DOCK3: variants seen among roughly 807,000 people sequenced by gnomAD.
The protein encoded by DOCK3 is dedicator of cytokinesis 3, also known as dedicator of cytokinesis protein 3.
Under a neutral mutation model 265.6 loss-of-function variants are expected in DOCK3, and 60 were observed. That is an observed-to-expected ratio of 0.23 (90% confidence interval 0.18 to 0.28). The LOEUF is 0.28. Among genes scored for constraint, DOCK3 ranks in the 10% least tolerant of loss-of-function variants. The pLI is 1.00. For missense variants in DOCK3, 1,981 were observed against 2,594.3 expected, an observed-to-expected ratio of 0.76 and a Z score of 5.14; for synonymous variants, 881 against 938.0, an observed-to-expected ratio of 0.94 and a Z score of 1.11.
At chr3:50,906,664 A>G (rs1024929932) in intron 4 of DOCK3, among the ~76,000 whole-genome samples, 1 of 151,628 alleles carries the variant, frequency 6.6e-6, no homozygotes, top group Non-Finnish European at 1.5e-5. Context: ...TTTCTTTGTT[A>G]TTCTTGCTAG....
At chr3:51,193,359 A>T (rs1017524799) in intron 12 of DOCK3, among the ~76,000 whole-genome samples, 50 of 152,076 alleles carry the variant, frequency 3.3e-4, no homozygotes, top group Non-Finnish European at 1.3e-4. Context: ...TTTACCAGGG[A>T]TATTGACATA....
intron 3 of DOCK3, among the ~76,000 whole-genome samples, chr3:50,846,297 C>T (rs1423202996): frequency 6.6e-6 from 1 of 151,986 alleles, no homozygotes; most frequent in African/African-American, 2.4e-5. Flanking sequence ...GTTGTACTCA[C>T]AGTTATGAAT....
Position 51,336,574 on chromosome 3 carries a change from C to T in DOCK3, c.3612-1785C>T, listed in dbSNP as rs555819545. ...TCTTTCTGGAGTCTTCCCTGCTCAC[C>T]CTTCAGAGAAAGAGCAAGAGGAAAG... is the stretch of plus-strand genomic sequence containing the variant. On this transcript the variant is annotated intron_variant, in intron 35 of 52. Transcript: ENST00000266037. Among the ~76,000 whole-genome samples, 5 of 152,288 alleles carry T rather than the reference C, an allele frequency of 3.3e-5. No individual in the cohort carries two copies. In the South Asian group the frequency reaches 8.3e-4, roughly 25 times the overall value.
chr3:50,781,275 T>TA (rs1432419507), intron 2 of DOCK3, among the ~76,000 whole-genome samples: 1 of 148,250 alleles, frequency 6.7e-6, no homozygotes, highest in Non-Finnish European at 1.5e-5. Flanking sequence ...TTCTTTTTTT[T>TA]TTTTTTTTTT....
chr3:50,771,447 C>CAT (rs1255669247), intron 1 of DOCK3, among the ~76,000 whole-genome samples: 1 of 152,172 alleles, frequency 6.6e-6, no homozygotes, highest in Non-Finnish European at 1.5e-5. Context: ...CAGACAATAA[C>CAT]AAGTGCTGGT....
intron 3 of DOCK3, among the ~76,000 whole-genome samples, chr3:50,858,212 G>A (rs188346151): frequency 5.9e-5 from 9 of 152,124 alleles, no homozygotes; most frequent in Admixed American, 2.0e-4. Context: ...CTCACTCATA[G>A]GTGGGAACTG....
intron 1 of DOCK3, among the ~76,000 whole-genome samples, chr3:50,712,275 A>G (rs1344289614): frequency 6.6e-6 from 1 of 151,954 alleles, no homozygotes; most frequent in Non-Finnish European, 1.5e-5. Flanking sequence ...CATCTTTTTT[A>G]TTAGAGATAT....
In DOCK3 at chr3:51,375,815, A is replaced by G. The variant is rs2088073155; in HGVS notation, c.5480A>G (p.Asn1827Ser). The change falls in exon 51 of 53, where the codon AAT becomes AGT. Residue 1827 changes from asparagine (N) to serine (S), a missense_variant. By Grantham distance (46) the Asn-to-Ser change is conservative. This residue lies in a region of DOCK3 where 1,357 missense variants were observed against 1,866.8 expected (regional missense o/e 0.73). Coordinates refer to ENST00000266037, the MANE Select transcript of DOCK3 (RefSeq NM_004947.5). ...GCCTGCAAACCCTGCAGTGATCCCAATCTGTCTGTGGCTGAAAAAGGTATT... is the reference window on the plus strand; with the variant it reads ...GCCTGCAAACCCTGCAGTGATCCCAGTCTGTCTGTGGCTGAAAAAGGTATT... The part of the protein sequence containing the change: ...VGACKPCSDP[N>S]LSVAEKGHYS... 3.1e-6 allele frequency: 5 copies of G among 1,613,966 alleles called. No homozygotes were observed. The highest frequency in any genetic ancestry group is 4.2e-6 in the Non-Finnish European group (5 of 1,179,876).
intron 1 of DOCK3, among the ~76,000 whole-genome samples, chr3:50,683,824 TC>T (rs2034580702): frequency 4.5e-5 from 1 of 22,434 alleles, no homozygotes; most frequent in Non-Finnish European, 1.1e-4. Flanking sequence ...TCCCCTCCCC[TC>T]CCCGCTCTCC....
In DOCK3 at chr3:50,954,320, T is replaced by C. The variant is rs537757413; in HGVS notation, c.315+20243T>C. 2.0e-4 allele frequency among the ~76,000 whole-genome samples: 30 copies of C among 152,260 alleles called. 1 individual carries two copies. The South Asian group carries it at 5.2e-3, about 26-fold the overall frequency. ...TAAGGCTGAATAATACTCTATCTTA[T>C]GTACAGTGTCAGTGGAATCTGAGTT... On this transcript the variant is annotated intron_variant, in intron 5 of 52. Transcript: ENST00000266037.
intron 23 of DOCK3, among the ~76,000 whole-genome samples, chr3:51,266,427 T>C (rs984958658): frequency 6.6e-6 from 1 of 152,192 alleles, no homozygotes; most frequent in African/African-American, 2.4e-5. Context: ...GACTTCAAAC[T>C]ATACTACAAG....
chr3:51,018,901 A>G (rs2079471100), intron 5 of DOCK3, among the ~76,000 whole-genome samples: 1 of 151,912 alleles, frequency 6.6e-6, no homozygotes, highest in Admixed American at 6.6e-5. Context: ...TATCTTGGAT[A>G]GGAATCTTTT....
chr3:51,011,771 T>G (rs1272882014), intron 5 of DOCK3, among the ~76,000 whole-genome samples: 1 of 152,194 alleles, frequency 6.6e-6, no homozygotes, highest in African/African-American at 2.4e-5. Flanking sequence ...ACCTTTGGTC[T>G]TTGATGATGG....
chr3:50,937,404 C>T (rs2051434481), intron 5 of DOCK3, among the ~76,000 whole-genome samples: 1 of 151,944 alleles, frequency 6.6e-6, no homozygotes, highest in Non-Finnish European at 1.5e-5. Context: ...CCTGTAATCC[C>T]AGCACTTTGG....
intron 1 of DOCK3, among the ~76,000 whole-genome samples, chr3:50,777,403 T>A (rs2041667994): frequency 6.6e-6 from 1 of 152,186 alleles, no homozygotes. Flanking sequence ...GGCTCTCTTT[T>A]GGTTCCATGT....
At chr3:51,125,175 G>A (rs1020852623) in intron 9 of DOCK3, among the ~76,000 whole-genome samples, 12 of 151,950 alleles carry the variant, frequency 7.9e-5, no homozygotes, top group Admixed American at 3.3e-4. Flanking sequence ...AGAGTAAAAA[G>A]CAATTTAACA....
chr3:51,128,960 T>G (rs1310709290), intron 9 of DOCK3, among the ~76,000 whole-genome samples: 2 of 152,202 alleles, frequency 1.3e-5, no homozygotes, highest in Non-Finnish European at 2.9e-5. Context: ...TAAAATCCTC[T>G]ACTGAGGTCA....
intron 25 of DOCK3, among the ~76,000 whole-genome samples, chr3:51,277,329 A>G (rs1387339366): frequency 6.6e-6 from 1 of 152,178 alleles, no homozygotes; most frequent in African/African-American, 2.4e-5. Context: ...TCTGCCCTGT[A>G]TATCAAAATT....
chr3:51,227,885 G>A (rs1445486347), intron 16 of DOCK3, 97 bp from the exon 17 acceptor site: 22 of 1,199,130 alleles, frequency 1.8e-5, no homozygotes, highest in East Asian at 7.5e-5. Flanking sequence ...TGAAAGAGGC[G>A]AGGAACAAAA....
Sources: allele counts gnomAD v4.1 joint callset (sites outside exome capture counted in the v4.1 genomes callset), GRCh38; gene constraint gnomAD v4.1.1; regional missense constraint gnomAD v4.1.1; transcripts MANE v1.5; gene names NCBI Gene and HGNC (gene_info 2026-07-23, HGNC 2026-07-21).